COPA: variants seen among roughly 807,000 people sequenced by gnomAD.
The protein encoded by COPA is coatomer subunit alpha.
In COPA, 10 loss-of-function variants were observed where a neutral mutation model predicts 158.7. That is an observed-to-expected ratio of 0.06 (90% CI 0.04 to 0.11). The LOEUF is 0.11. COPA is among the 10% of genes least tolerant of loss of function. The pLI is 1.00. For synonymous variants in COPA, 462 were observed against 542.8 expected (o/e 0.85, Z 2.07); for missense variants, 1,065 against 1,536.7 (o/e 0.69, Z 5.13).
intron 3 of COPA, among the ~76,000 whole-genome samples, chr1:160,338,154 G>C (rs1431260933): frequency 6.6e-6 from 1 of 152,142 alleles, no homozygotes; most frequent in Non-Finnish European, 1.5e-5. Context: ...TTTTTAAACA[G>C]ATTATAAGAA....
chr1:160,327,572 A>G (rs920611681), intron 6 of COPA, among the ~76,000 whole-genome samples: 1 of 142,342 alleles, frequency 7.0e-6, no homozygotes, highest in Non-Finnish European at 1.5e-5. Flanking sequence ...TTAAAAAAAA[A>G]GGAGGCTGGG....
chr1:160,328,218 G>A (rs1647349289), intron 6 of COPA, among the ~76,000 whole-genome samples: 1 of 152,142 alleles, frequency 6.6e-6, no homozygotes, highest in Non-Finnish European at 1.5e-5. Context: ...TTTCTAACGA[G>A]TCTGGTATAT....
In COPA at chr1:160,289,451, A is replaced by G. The variant is rs1469265928; in HGVS notation, c.*706T>C. Reference sequence around the variant, plus strand: ...TGTCTAAGGAAAATGGGAGATGATTAAGAGTTGGTGTGGCCTAGTCACACC... The same window carrying G: ...TGTCTAAGGAAAATGGGAGATGATTGAGAGTTGGTGTGGCCTAGTCACACC... On this transcript the variant is annotated 3_prime_UTR_variant, in exon 33 of 33. Coordinates refer to ENST00000241704, the MANE Select transcript of COPA (RefSeq NM_004371.4). 5 of 152,198 alleles carry G rather than the reference A, an allele frequency of 3.3e-5. No individual in the cohort carries two copies. Among genetic ancestry groups the G allele is most frequent in the African/African-American group, 1.2e-4 (5 of 41,450 alleles). The allele number at this position is 152,198 out of a possible 1,614,324, so 9.4% of individuals were successfully genotyped here. A position where few individuals can be genotyped will look rare whatever the true frequency, so the allele number is the denominator to read the frequency against.
In COPA at chr1:160,307,070, G is replaced by C; in HGVS notation, c.1302+93C>G. On this transcript the variant is annotated intron_variant, in intron 14 of 32. Transcript: ENST00000241704. ...ACATGAGAATCACGGCTGCCCGGGG[G>C]AGAACAGAAAAAACAATGGTCTTTA... The C allele has an allele frequency of 2.4e-6, 3 of 1,246,632 alleles. No individual in the cohort carries two copies. The South Asian group carries it at 3.6e-5, about 15-fold the overall frequency. 77.2% of individuals were successfully genotyped at this position (1,246,632 alleles called of 1,614,324 possible).
At chr1:160,342,027 G>C (rs1648090639) in intron 1 of COPA, among the ~76,000 whole-genome samples, 1 of 152,142 alleles carries the variant, frequency 6.6e-6, no homozygotes, top group Admixed American at 6.5e-5. Flanking sequence ...TTTCCCAAGA[G>C]ACTTAGAAAC....
chr1:160,324,042 T>C (rs1432386848), intron 7 of COPA, among the ~76,000 whole-genome samples: 1 of 151,938 alleles, frequency 6.6e-6, no homozygotes, highest in Non-Finnish European at 1.5e-5. Flanking sequence ...TTTGTATTTT[T>C]AGTAGAGATG....
chr1:160,320,632 A>AAAAAAAT (rs1659301447), intron 8 of COPA, among the ~76,000 whole-genome samples: 4 of 145,952 alleles, frequency 2.7e-5, no homozygotes, highest in African/African-American at 5.0e-5. Flanking sequence ...AAAAAAAAAA[A>AAAAAAAT]GATTGAACCA....
chr1:160,300,394 G>A (rs1430181639), intron 17 of COPA, among the ~76,000 whole-genome samples: 3 of 145,400 alleles, frequency 2.1e-5, no homozygotes, highest in Admixed American at 1.4e-4. Flanking sequence ...TAAATAAATA[G>A]AAGGATCAAA....
At position 160,307,261 on chromosome 1, in the gene COPA, C is replaced by G. The variant is rs1658818899; in HGVS notation, c.1220-16G>C. On this transcript the variant is annotated splice_polypyrimidine_tract_variant and intron_variant, in intron 13 of 32. Coordinates refer to ENST00000241704, the MANE Select transcript of COPA (RefSeq NM_004371.4). Reference sequence around the variant, plus strand: ...CCTTCAGGCGCTGAGAAGAACAAAACCAAAGGGTGGGAGCATGTGGTGAGT... The same window carrying G: ...CCTTCAGGCGCTGAGAAGAACAAAAGCAAAGGGTGGGAGCATGTGGTGAGT... 1 of 1,613,626 alleles carries G rather than the reference C, an allele frequency of 6.2e-7. No homozygotes were observed.
intron 6 of COPA, among the ~76,000 whole-genome samples, chr1:160,328,253 AAGAT>A (rs1647349719): frequency 6.6e-6 from 1 of 152,232 alleles, no homozygotes; most frequent in African/African-American, 2.4e-5. Flanking sequence ...GGAAAATACA[AAGAT>A]AGACAGCTGT....
At chr1:160,325,823 G>A (rs1659474021) in intron 6 of COPA, among the ~76,000 whole-genome samples, 171 bp from the exon 7 acceptor site, 1 of 152,202 alleles carries the variant, frequency 6.6e-6, no homozygotes, top group African/African-American at 2.4e-5. Context: ...TCAAAATATT[G>A]AAGTACATTC....
chr1:160,319,087 T>C (rs979631410), intron 8 of COPA, among the ~76,000 whole-genome samples: 1 of 152,050 alleles, frequency 6.6e-6, no homozygotes. Flanking sequence ...TTAAAAGGCA[T>C]AGAGTGGCTA....
intron 17 of COPA, among the ~76,000 whole-genome samples, chr1:160,304,595 C>T (rs988117073): frequency 2.0e-5 from 3 of 151,826 alleles, no homozygotes; most frequent in Admixed American, 6.6e-5. Flanking sequence ...ACCCAGGAGG[C>T]GGAGGTTGCA....
At chr1:160,325,490 G>T in intron 7 of COPA, 53 bp downstream of exon 7, 1 of 1,415,152 alleles carries the variant, frequency 7.1e-7, no homozygotes, top group Non-Finnish European at 1.0e-6. Context: ...AACATACTGT[G>T]ACTTTCCCAA....
At chr1:160,294,386 G>A in intron 25 of COPA, 98 bp downstream of exon 25, 1 of 1,018,974 alleles carries the variant, frequency 9.8e-7, no homozygotes, top group Admixed American at 1.8e-5. Context: ...GTAGGGGATA[G>A]GATAGGAGAC....
chr1:160,343,028 G>A (rs1648165145), intron 1 of COPA, 103 bp downstream of exon 1: 1 of 1,397,828 alleles, frequency 7.2e-7, no homozygotes, highest in African/African-American at 1.4e-5. Flanking sequence ...GGGTCCGTCT[G>A]GTGGGCCCAT....
Position 160,297,372 on chromosome 1 carries a change from C to A in COPA, c.2234G>T (p.Arg745Leu). The A allele has an allele frequency of 6.2e-7, 1 of 1,614,200 alleles. No homozygotes were observed. Among genetic ancestry groups the A allele is most frequent in the Non-Finnish European group, 8.5e-7 (1 of 1,180,026 alleles). The part of the protein sequence containing the change: ...NALYLGDVSE[R>L]VRILKNCGQK... Reference sequence around the variant, plus strand: ...TCCACAGTTCTTCAGGATCCGCACACGCTCTGACACATCACCCAGGTATAG... The same window carrying A: ...TCCACAGTTCTTCAGGATCCGCACAAGCTCTGACACATCACCCAGGTATAG... The change falls in exon 21 of 33, where the codon CGT (arginine) becomes CTT (leucine). Residue 745 changes from arginine (R) to leucine (L), a missense_variant. This residue lies in a region of COPA where 980 missense variants were observed against 1,357.8 expected (regional missense o/e 0.72). Coordinates refer to ENST00000241704, the MANE Select transcript of COPA (RefSeq NM_004371.4).
In COPA at chr1:160,297,557, A is replaced by G; in HGVS notation, c.2166T>C (p.Ile722=). The G allele has an allele frequency of 6.2e-7, 1 of 1,613,816 alleles. No homozygotes were observed. The highest frequency in any genetic ancestry group is 8.5e-7 in the Non-Finnish European group (1 of 1,179,802). The change falls in exon 20 of 33, where the codon ATT becomes ATC. Residue 722 remains isoleucine (I), a splice_region_variant and synonymous_variant. Coordinates refer to ENST00000241704, the MANE Select transcript of COPA (RefSeq NM_004371.4). ...NLEKLRKMMK[I]AEIRKDMSGH... is the part of the protein sequence containing the mutation. ...CCATCCTTAGTTTGAGGGCCTCACC[A>G]ATCTTCATCATCTTGCGAAGTTTTT...
At chr1:160,295,932 C>T (rs1185507008) in intron 22 of COPA, 73 bp from the exon 23 acceptor site, 1 of 1,581,680 alleles carries the variant, frequency 6.3e-7, no homozygotes, top group Non-Finnish European at 8.6e-7. Context: ...ATGGAGCCTC[C>T]TTTGATCTCA....
Sources: gnomAD v4.1 joint callset for allele counts (sites outside exome capture counted in the v4.1 genomes callset) on GRCh38, gnomAD v4.1.1 for gene constraint, gnomAD v4.1.1 regional missense constraint, MANE v1.5 for transcripts, NCBI Gene and HGNC (gene_info 2026-07-23, HGNC 2026-07-21) for gene names.